The following DENND4C variants were observed in gnomAD, a reference collection of about 807,000 sequenced individuals.
DENND4C encodes the protein DENN domain containing 4C.
A neutral mutation model predicts 203.0 loss-of-function variants in DENND4C; 108 were observed. The observed-to-expected ratio is 0.53, with a 90% CI of 0.46 to 0.62. DENND4C has a LOEUF of 0.62. Among genes scored for constraint, DENND4C ranks in the 20% least tolerant of loss-of-function variants. The pLI, the probability that DENND4C is intolerant of heterozygous loss-of-function variation, is 0.00. For missense variants in DENND4C, 2,481 were observed against 2,301.2 expected, an observed-to-expected ratio of 1.08 and a Z score of -1.60; for synonymous variants, 871 against 792.4, an observed-to-expected ratio of 1.10 and a Z score of -1.67.
At chr9:19,244,284 G>A (rs1430491565) in intron 1 of DENND4C, among the ~76,000 whole-genome samples, 1 of 152,054 alleles carries the variant, frequency 6.6e-6, no homozygotes, top group African/African-American at 2.4e-5. Context: ...ACCCACCTTG[G>A]CCTCCCAAAG....
intron 30 of DENND4C, 99 bp from the exon 31 acceptor site, chr9:19,369,738 G>A (rs1828396496): frequency 1.3e-6 from 1 of 742,014 alleles, no homozygotes; most frequent in Non-Finnish European, 1.8e-6. Flanking sequence ...CTGCACTCCA[G>A]CCTGGGTAAC....
intron 10 of DENND4C, among the ~76,000 whole-genome samples, chr9:19,312,341 G>A (rs1477679159): frequency 6.6e-6 from 1 of 152,088 alleles, no homozygotes; most frequent in Non-Finnish European, 1.5e-5. Context: ...GGCCTCAAGT[G>A]ATATGCCTAT....
At chr9:19,349,042 G>C (rs1823525944) in intron 23 of DENND4C, among the ~76,000 whole-genome samples, 1 of 152,170 alleles carries the variant, frequency 6.6e-6, no homozygotes, top group African/African-American at 2.4e-5. Flanking sequence ...CTGGGCTCAA[G>C]TGTTCCTAGG....
At chr9:19,305,581 T>A (rs1409497281) in intron 10 of DENND4C, 54 bp downstream of exon 10, 1 of 1,513,080 alleles carries the variant, frequency 6.6e-7, no homozygotes, top group East Asian at 2.3e-5. Context: ...CTATGTAGAG[T>A]TACAGTTCTT....
chr9:19,288,484 C>A, intron 3 of DENND4C, 112 bp from the exon 4 acceptor site: 1 of 545,806 alleles, frequency 1.8e-6, no homozygotes, highest in Non-Finnish European at 2.8e-6. Flanking sequence ...ATTATATAAA[C>A]GTTTTAAATA....
chr9:19,315,414 A>C (rs563738871), intron 10 of DENND4C, among the ~76,000 whole-genome samples: 1 of 151,516 alleles, frequency 6.6e-6, no homozygotes, highest in Non-Finnish European at 1.5e-5. Flanking sequence ...AAAGTTTGTT[A>C]TATTTATGCT....
intron 20 of DENND4C, among the ~76,000 whole-genome samples, chr9:19,338,220 AT>A (rs557753162): frequency 6.6e-6 from 1 of 152,032 alleles, no homozygotes; most frequent in Non-Finnish European, 1.5e-5. Flanking sequence ...TTCCTCTAGT[AT>A]TTTTTTCATG....
At chr9:19,283,678 C>G (rs1369998919) in intron 2 of DENND4C, among the ~76,000 whole-genome samples, 1 of 138,142 alleles carries the variant, frequency 7.2e-6, no homozygotes, top group East Asian at 2.2e-4. Flanking sequence ...ATGACCCGAT[C>G]TTGGCTCACT....
chr9:19,297,394 C>T (rs1837684367), intron 6 of DENND4C, among the ~76,000 whole-genome samples: 1 of 152,124 alleles, frequency 6.6e-6, no homozygotes, highest in African/African-American at 2.4e-5. Flanking sequence ...CTTGAAATGG[C>T]AGTTTAATGA....
At chr9:19,257,685 T>C (rs1050364556) in intron 1 of DENND4C, among the ~76,000 whole-genome samples, 5 of 152,182 alleles carry the variant, frequency 3.3e-5, no homozygotes, top group Admixed American at 1.3e-4. Context: ...AAATTACTGA[T>C]ATCAGAATTA....
At chr9:19,304,177 T>C (rs1265910838) in intron 9 of DENND4C, among the ~76,000 whole-genome samples, 1 of 134,032 alleles carries the variant, frequency 7.5e-6, no homozygotes, top group African/African-American at 2.7e-5. Context: ...GATAGAGGAA[T>C]ATTTTATATT....
intron 1 of DENND4C, among the ~76,000 whole-genome samples, chr9:19,253,378 T>G (rs1194035581): frequency 2.0e-5 from 3 of 152,202 alleles, no homozygotes; most frequent in African/African-American, 7.2e-5. Flanking sequence ...AACCCTCTTA[T>G]GTATAAAACT....
At chr9:19,328,463 A>C (rs965552835) in intron 16 of DENND4C, among the ~76,000 whole-genome samples, 1 of 151,626 alleles carries the variant, frequency 6.6e-6, no homozygotes, top group African/African-American at 2.4e-5. Flanking sequence ...AAATACAAAA[A>C]TTAGCTGGGC....
chr9:19,327,927 G>A, intron 15 of DENND4C, 103 bp from the exon 16 acceptor site: 1 of 1,093,438 alleles, frequency 9.1e-7, no homozygotes, highest in Non-Finnish European at 1.3e-6. Flanking sequence ...TTAAAATAAT[G>A]TTGGATACTA....
chr9:19,284,785 A>G (rs1326279510), intron 2 of DENND4C, among the ~76,000 whole-genome samples: 2 of 152,062 alleles, frequency 1.3e-5, no homozygotes, highest in African/African-American at 4.8e-5. Context: ...GAAATTTTTT[A>G]TGTGTTAGGA....
intron 21 of DENND4C, among the ~76,000 whole-genome samples, chr9:19,342,381 A>G (rs1219992017): frequency 6.6e-6 from 1 of 152,166 alleles, no homozygotes; most frequent in Non-Finnish European, 1.5e-5. Flanking sequence ...AAGGCCAGAG[A>G]CTTAATTGAT....
At chr9:19,344,745 C>A (rs781113264) in intron 22 of DENND4C, among the ~76,000 whole-genome samples, 1 of 152,076 alleles carries the variant, frequency 6.6e-6, no homozygotes, top group South Asian at 2.1e-4. Context: ...TCAGGTGATC[C>A]GCCTGCCTCA....
intron 1 of DENND4C, among the ~76,000 whole-genome samples, chr9:19,234,621 C>T (rs370980930): frequency 6.6e-6 from 1 of 151,316 alleles, no homozygotes. Context: ...CTCTACCTCC[C>T]GGGTTCATGT....
At chr9:19,232,370 G>T (rs1820801757) in intron 1 of DENND4C, among the ~76,000 whole-genome samples, 1 of 151,984 alleles carries the variant, frequency 6.6e-6, no homozygotes, top group Non-Finnish European at 1.5e-5. Context: ...TGAGATTAGG[G>T]GTCTGATCTT....
Sources: allele counts gnomAD v4.1 joint callset (sites outside exome capture counted in the v4.1 genomes callset), GRCh38; gene constraint gnomAD v4.1.1; transcripts MANE v1.5; gene names NCBI Gene and HGNC (gene_info 2026-07-23, HGNC 2026-07-21).